The following EPS15 variants were observed in gnomAD, a reference collection of about 807,000 sequenced individuals.
EPS15 encodes the protein epidermal growth factor receptor pathway substrate 15.
EPS15 carries 72 observed loss-of-function variants against 113.8 expected under a neutral mutation model. The ratio of observed to expected loss-of-function variants is 0.63; its 90% confidence interval spans 0.52 to 0.77. The LOEUF (loss-of-function observed/expected upper bound fraction) is 0.77. Ranked by LOEUF, EPS15 falls within the 30% of genes least tolerant of loss-of-function variation. EPS15 has a pLI of 0.00. For synonymous variants in EPS15, 344 were observed against 363.4 expected, an observed-to-expected ratio of 0.95 and a Z score of 0.61; for missense variants, 1,048 against 1,045.8, an observed-to-expected ratio of 1.00 and a Z score of -0.03.
chr1:51,510,398 G>C (rs1377304369), intron 1 of EPS15, among the ~76,000 whole-genome samples: 3 of 152,188 alleles, frequency 2.0e-5, no homozygotes, highest in Non-Finnish European at 4.4e-5. Context: ...ACAACCGTGA[G>C]CAAGTAATAC....
intron 7 of EPS15, among the ~76,000 whole-genome samples, chr1:51,461,521 TAAAAA>T (rs34184025): frequency 1.8e-4 from 15 of 85,040 alleles, no homozygotes; most frequent in Non-Finnish European, 3.3e-4. Flanking sequence ...CACTGTTTCT[TAAAAA>T]AAAAAAAAAA....
chr1:51,414,133 C>A (rs986996644), intron 13 of EPS15, among the ~76,000 whole-genome samples: 2 of 152,114 alleles, frequency 1.3e-5, no homozygotes, highest in African/African-American at 2.4e-5. Flanking sequence ...ATCTATTGAG[C>A]CGGCAAAGTG....
Position 51,365,648 on chromosome 1 carries a change from G to C in EPS15, c.2196+305C>G, listed in dbSNP as rs183407540. On this transcript the variant is annotated intron_variant, in intron 22 of 24. Transcript: ENST00000371733. ...ACCTATTGACCCAGACAGTCAACAG[G>C]GGGAAAATGTGGTTCAATTGGGAGA... is the stretch of plus-strand genomic sequence containing the variant. 9.2e-3 allele frequency among the ~76,000 whole-genome samples: 1,395 copies of C among 152,282 alleles called. 12 individuals carry two copies. The highest frequency in any genetic ancestry group is 0.02 in the Middle Eastern group (6 of 294).
chr1:51,407,504 A>C (rs552149385), intron 15 of EPS15, among the ~76,000 whole-genome samples: 1 of 152,098 alleles, frequency 6.6e-6, no homozygotes, highest in East Asian at 1.9e-4. Context: ...CCGAGCCCTA[A>C]CTATCTTATC....
intron 21 of EPS15, among the ~76,000 whole-genome samples, chr1:51,366,340 T>C (rs527401352): frequency 1.3e-4 from 20 of 152,330 alleles, no homozygotes; most frequent in African/African-American, 3.8e-4. Flanking sequence ...AGTGCTGGAA[T>C]TATAGGCATG....
chr1:51,468,545 A>G lies in EPS15; in HGVS notation c.237T>C (p.Leu79=), dbSNP rs1655014580. ...CCAATCCATTCTGGGCACATGCCAC[A>G]AGACGCAAAGCAACAAAGAATTCCT... ...NKQEFFVALR[L]VACAQNGLEV... The change falls in exon 5 of 25, where the codon CTT becomes CTC. Residue 79 remains leucine (L), a synonymous_variant. Coordinates refer to ENST00000371733, the MANE Select transcript of EPS15 (RefSeq NM_001981.3). 6.2e-7 allele frequency: 1 copy of G among 1,613,468 alleles called. No individual in the cohort carries two copies. The highest frequency in any genetic ancestry group is 8.5e-7 in the Non-Finnish European group (1 of 1,179,514).
intron 1 of EPS15, among the ~76,000 whole-genome samples, chr1:51,512,843 CTTT>C (rs59750666): frequency 4.2e-5 from 5 of 118,690 alleles, no homozygotes; most frequent in Admixed American, 8.7e-5. Flanking sequence ...TGAGCAATAT[CTTT>C]TTTTTTTTTT....
At chr1:51,445,194 A>C (rs554880808) in intron 10 of EPS15, 149 bp from the exon 11 acceptor site, 1 of 706,346 alleles carries the variant, frequency 1.4e-6, no homozygotes, top group African/African-American at 1.8e-5. Context: ...AACTCACTCA[A>C]CTGTTCGAAG....
At chr1:51,374,092 G>A (rs902675474) in intron 21 of EPS15, among the ~76,000 whole-genome samples, 6 of 152,334 alleles carry the variant, frequency 3.9e-5, no homozygotes, top group East Asian at 3.9e-4. Context: ...GTCATTGCCT[G>A]TAAAAAGGAA....
intron 5 of EPS15, among the ~76,000 whole-genome samples, chr1:51,466,202 T>C (rs562519658): frequency 3.5e-4 from 53 of 151,422 alleles, no homozygotes; most frequent in African/African-American, 1.2e-3. Context: ...AAAATACATA[T>C]GAGAATTTAG....
intron 1 of EPS15, among the ~76,000 whole-genome samples, chr1:51,482,590 C>A (rs1644040329): frequency 6.6e-6 from 1 of 152,062 alleles, no homozygotes; most frequent in Non-Finnish European, 1.5e-5. Context: ...CCTCAGCCTC[C>A]CAAGTAGCAG....
chr1:51,374,431 A>G (rs936844455), intron 21 of EPS15, among the ~76,000 whole-genome samples: 1 of 152,062 alleles, frequency 6.6e-6, no homozygotes, highest in Non-Finnish European at 1.5e-5. Context: ...AGCCTGGCCA[A>G]CGTCTTTACT....
intron 1 of EPS15, among the ~76,000 whole-genome samples, chr1:51,510,341 G>C (rs569634634): frequency 1.3e-4 from 20 of 152,250 alleles, no homozygotes; most frequent in Admixed American, 7.2e-4. Flanking sequence ...AATGTACTTG[G>C]AGAACAGATG....
chr1:51,471,872 A>C (rs1557502156), intron 3 of EPS15, 135 bp from the exon 4 acceptor site: 2 of 723,710 alleles, frequency 2.8e-6, no homozygotes, highest in Admixed American at 5.1e-5. Flanking sequence ...AAGAGTGGAA[A>C]GAACCCTTAA....
At chr1:51,466,180 G>A (rs955449332) in intron 5 of EPS15, among the ~76,000 whole-genome samples, 2 of 151,058 alleles carry the variant, frequency 1.3e-5, no homozygotes, top group Admixed American at 6.6e-5. Context: ...AAAAAAAATC[G>A]AGTAAGCAAT....
intron 1 of EPS15, among the ~76,000 whole-genome samples, chr1:51,512,422 TAA>T (rs1644636862): frequency 6.6e-6 from 1 of 152,092 alleles, no homozygotes; most frequent in Admixed American, 6.6e-5. Flanking sequence ...GCAGAAGCTC[TAA>T]GAGAAAAGAC....
intron 1 of EPS15, among the ~76,000 whole-genome samples, chr1:51,494,795 C>T (rs1448934700): frequency 3.3e-5 from 5 of 152,210 alleles, no homozygotes; most frequent in African/African-American, 1.2e-4. Context: ...TTCAAATTTC[C>T]CTTTTTATAA....
chr1:51,489,305 ATGTATG>A (rs1303746834), intron 1 of EPS15, among the ~76,000 whole-genome samples: 3 of 133,556 alleles, frequency 2.2e-5, no homozygotes, highest in Admixed American at 7.7e-5. Flanking sequence ...ATATATATAT[ATGTATG>A]TATGTATGTA....
chr1:51,450,761 T>C (rs560732663), intron 8 of EPS15, among the ~76,000 whole-genome samples: 9 of 151,950 alleles, frequency 5.9e-5, no homozygotes, highest in Non-Finnish European at 1.2e-4. Context: ...TGAAAAAGAT[T>C]AATTGCAGCA....
Sources: allele counts gnomAD v4.1 joint callset (sites outside exome capture counted in the v4.1 genomes callset), GRCh38; gene constraint gnomAD v4.1.1; transcripts MANE v1.5; gene names NCBI Gene and HGNC (gene_info 2026-07-23, HGNC 2026-07-21).